AGBL1: variants seen among roughly 807,000 people sequenced by gnomAD.
AGBL1 encodes cytosolic carboxypeptidase 4.
A neutral mutation model predicts 118.9 loss-of-function variants in AGBL1; 130 were observed. The observed-to-expected ratio is 1.09, with a 90% confidence interval of 0.95 to 1.26. The LOEUF is 1.26. Among genes scored for constraint, AGBL1 ranks in the 50% most tolerant of loss-of-function variants. AGBL1 has a pLI of 0.00. For missense variants in AGBL1, 1,584 were observed against 1,298.1 expected, an observed-to-expected ratio of 1.22 and a Z score of -3.38; for synonymous variants, 555 against 478.9, an observed-to-expected ratio of 1.16 and a Z score of -2.08.
At chr15:86,657,344 G>C (rs2085477607) in intron 21 of AGBL1, among the ~76,000 whole-genome samples, 1 of 152,174 alleles carries the variant, frequency 6.6e-6, no homozygotes, top group South Asian at 2.1e-4. Context: ...CACTTCATGA[G>C]AGTTTCTGAT....
chr15:86,589,187 T>A (rs1457223812), intron 21 of AGBL1, among the ~76,000 whole-genome samples: 1 of 152,132 alleles, frequency 6.6e-6, no homozygotes, highest in Non-Finnish European at 1.5e-5. Flanking sequence ...AGCCCCGGCA[T>A]CAGAAAGTGA....
intron 23 of AGBL1, among the ~76,000 whole-genome samples, chr15:86,931,502 C>T (rs1223744996): frequency 6.6e-6 from 1 of 151,474 alleles, no homozygotes; most frequent in Non-Finnish European, 1.5e-5. Flanking sequence ...CAATAGGAAT[C>T]TACATAAAAA....
chr15:86,299,132 C>T (rs988994512), intron 17 of AGBL1, among the ~76,000 whole-genome samples: 14 of 152,130 alleles, frequency 9.2e-5, no homozygotes, highest in Non-Finnish European at 1.5e-4. Flanking sequence ...TGAGGACAGT[C>T]CCTTTTTGAA....
At chr15:86,698,042 G>A (rs1033660220) in intron 22 of AGBL1, among the ~76,000 whole-genome samples, 41 of 151,982 alleles carry the variant, frequency 2.7e-4, no homozygotes, top group African/African-American at 8.7e-4. Flanking sequence ...AGTTCACAAT[G>A]TGAGTCTCCA....
At chr15:86,710,466 T>C (rs962587308) in intron 22 of AGBL1, among the ~76,000 whole-genome samples, 4 of 152,204 alleles carry the variant, frequency 2.6e-5, no homozygotes, top group Admixed American at 2.6e-4. Flanking sequence ...TTTGAGCTGA[T>C]ACTTAAGGCT....
chr15:86,856,997 T>C (rs766566211), intron 22 of AGBL1, among the ~76,000 whole-genome samples: 14 of 152,196 alleles, frequency 9.2e-5, no homozygotes, highest in Non-Finnish European at 1.8e-4. Flanking sequence ...CCAGTGGTCC[T>C]ACGTCCCAGC....
intron 1 of AGBL1, among the ~76,000 whole-genome samples, chr15:86,082,996 A>G (rs1266415112): frequency 6.6e-6 from 1 of 152,254 alleles, no homozygotes; most frequent in Non-Finnish European, 1.5e-5. Flanking sequence ...CAAGGGCCTT[A>G]AAAATACGTT....
intron 22 of AGBL1, 121 bp downstream of exon 22, chr15:86,674,557 C>A (rs1596358267): frequency 9.7e-7 from 1 of 1,029,440 alleles, no homozygotes; most frequent in Non-Finnish European, 1.4e-6. Flanking sequence ...GGAAGAATTC[C>A]CAAGTAAAGG....
intron 17 of AGBL1, among the ~76,000 whole-genome samples, chr15:86,378,326 C>T (rs958523964): frequency 1.4e-4 from 22 of 152,150 alleles, no homozygotes; most frequent in South Asian, 4.1e-4. Context: ...TTCCCTTTCC[C>T]GTCAATGCTG....
intron 21 of AGBL1, among the ~76,000 whole-genome samples, chr15:86,605,478 A>C (rs969586416): frequency 3.3e-5 from 5 of 152,312 alleles, no homozygotes; most frequent in Admixed American, 6.5e-5. Context: ...GGCAGTAAGC[A>C]TTAACTTCTA....
chr15:86,337,950 T>G (rs1435396230), intron 17 of AGBL1, among the ~76,000 whole-genome samples: 2 of 152,212 alleles, frequency 1.3e-5, no homozygotes, highest in Non-Finnish European at 2.9e-5. Flanking sequence ...ATTTATCAAG[T>G]GTCTGGTATA....
At chr15:86,785,958 A>T (rs186238816) in intron 22 of AGBL1, among the ~76,000 whole-genome samples, 1 of 152,236 alleles carries the variant, frequency 6.6e-6, no homozygotes, top group East Asian at 1.9e-4. Context: ...TTAGTGTTCT[A>T]GGTTAGTGCT....
At chr15:86,954,575 C>A (rs77000485) in intron 23 of AGBL1, among the ~76,000 whole-genome samples, 1,702 of 152,256 alleles carry the variant, frequency 0.011, 31 homozygotes, top group African/African-American at 0.039. Flanking sequence ...CACCTGTTCT[C>A]ACTTTTAAGT....
chr15:86,120,026 T>A (rs904786782), intron 1 of AGBL1, among the ~76,000 whole-genome samples: 2 of 152,188 alleles, frequency 1.3e-5, no homozygotes, highest in Non-Finnish European at 2.9e-5. Context: ...ATCTACTCAT[T>A]CATTCAAGTA....
intron 24 of AGBL1, among the ~76,000 whole-genome samples, chr15:87,003,767 A>G (rs1005624830): frequency 4.6e-5 from 7 of 152,164 alleles, no homozygotes; most frequent in Non-Finnish European, 4.4e-5. Flanking sequence ...ATTTGCATAG[A>G]GATGTTTATA....
chr15:87,020,669 C>T (rs1206743365), intron 24 of AGBL1, among the ~76,000 whole-genome samples: 1 of 151,992 alleles, frequency 6.6e-6, no homozygotes, highest in Admixed American at 6.6e-5. Context: ...ACAAAATAAA[C>T]ATGCAAAAAT....
rs562165294 is a variant in AGBL1 at position 87,007,114 on chromosome 15, A to G, written c.3323+19026A>G. On this transcript the variant is annotated intron_variant, in intron 24 of 24. Transcript: ENST00000441037. ...TATAGAAAGGGTTCAAAAAAGAATCACAGAAATTATGCCTTTTTAACAAAG... is the reference window on the plus strand; with the variant it reads ...TATAGAAAGGGTTCAAAAAAGAATCGCAGAAATTATGCCTTTTTAACAAAG... Among the ~76,000 whole-genome samples, 7 of 152,360 alleles carry G rather than the reference A, an allele frequency of 4.6e-5. No homozygotes were observed. In the East Asian group the frequency reaches 1.4e-3, roughly 29 times the overall value.
Position 86,096,041 on chromosome 15 carries a change from C to T in AGBL1, c.51+16018C>T, listed in dbSNP as rs142850955. On this transcript the variant is annotated intron_variant, in intron 1 of 22. Transcript: ENST00000614907. ...AACTATTGTTTACTTAACATTATTC[C>T]CGTAAATTTATACATTAAAATTTTT... 3.1e-3 allele frequency among the ~76,000 whole-genome samples: 465 copies of T among 151,800 alleles called. 16 individuals are homozygous for T. In the South Asian group the frequency reaches 0.066, roughly 22 times the overall value.
At chr15:86,787,413 A>T (rs1439503788) in intron 22 of AGBL1, among the ~76,000 whole-genome samples, 2 of 152,018 alleles carry the variant, frequency 1.3e-5, no homozygotes, top group Non-Finnish European at 2.9e-5. Flanking sequence ...TTAAATCTAT[A>T]TCCTCTCATT....
Sources: gnomAD v4.1 joint callset for allele counts (sites outside exome capture counted in the v4.1 genomes callset) on GRCh38, gnomAD v4.1.1 for gene constraint, MANE v1.5 for transcripts, NCBI Gene and HGNC (gene_info 2026-07-23, HGNC 2026-07-21) for gene names.